SRGAP3: variants seen among roughly 807,000 people sequenced by gnomAD.
The protein encoded by SRGAP3 is SLIT-ROBO Rho GTPase-activating protein 3.
SRGAP3 carries 39 observed loss-of-function variants against 121.1 expected under a neutral mutation model. The ratio of observed to expected loss-of-function variants is 0.32; its 90% CI spans 0.25 to 0.42. The LOEUF (loss-of-function observed/expected upper bound fraction) is 0.42. Among genes scored for constraint, SRGAP3 ranks in the 10% least tolerant of loss-of-function variants. The probability of loss-of-function intolerance (pLI) is 1.00; values close to 1 mark genes in which losing one functional copy is unlikely to be tolerated. For missense variants in SRGAP3, 1,213 were observed against 1,470.6 expected, an observed-to-expected ratio of 0.82 and a Z score of 2.86; for synonymous variants, 601 against 570.0, an observed-to-expected ratio of 1.05 and a Z score of -0.77.
intron 3 of SRGAP3, among the ~76,000 whole-genome samples, chr3:9,288,130 G>GTTTTTTTTTTTT (rs57076828): frequency 3.4e-5 from 4 of 119,100 alleles, no homozygotes; most frequent in South Asian, 2.7e-4. Flanking sequence ...TTCTATCTTT[G>GTTTTTTTTTTTT]TTTTTTTTTT....
intron 18 of SRGAP3, among the ~76,000 whole-genome samples, chr3:9,003,497 A>AACAAACAT (rs1266283634): frequency 4.0e-5 from 6 of 151,876 alleles, no homozygotes; most frequent in South Asian, 2.1e-4. Flanking sequence ...CAAACAAACA[A>AACAAACAT]ACAAACAAAA....
chr3:9,171,832 TGCCTCGGTTCTGGGG>T, intron 1 of SRGAP3, among the ~76,000 whole-genome samples: 1 of 152,104 alleles, frequency 6.6e-6, no homozygotes, highest in African/African-American at 2.4e-5. Context: ...CGAAATGTAT[TGCCTCGGTTCTGGGG>T]GCCGGAAGAG....
Position 8,984,146 on chromosome 3 carries a change from C to T in SRGAP3, c.*1373G>A, listed in dbSNP as rs1376335482. ...GAAGATCATGCACCCATTTCTATCACCACATTTTCATCTACACTAAATGTT... is the reference window on the plus strand; with the variant it reads ...GAAGATCATGCACCCATTTCTATCATCACATTTTCATCTACACTAAATGTT... On this transcript the variant is annotated 3_prime_UTR_variant, in exon 22 of 22. Transcript: ENST00000383836. The T allele has an allele frequency of 8.7e-6, 2 of 231,126 alleles. No individual in the cohort carries two copies. The highest frequency in any genetic ancestry group is 2.2e-5 in the African/African-American group (1 of 45,190). The allele number at this position is 231,126 out of a possible 1,614,324, so 14.3% of individuals were successfully genotyped here.
intron 10 of SRGAP3, among the ~76,000 whole-genome samples, chr3:9,046,258 T>C (rs1945272061): frequency 6.6e-6 from 1 of 152,082 alleles, no homozygotes; most frequent in East Asian, 1.9e-4. Flanking sequence ...TAATCTGCAG[T>C]GACAGAAATC....
chr3:9,123,762 G>GTGTGTGTGTGTGTGTGTGTGTGTGTGTA (rs1182513386), intron 2 of SRGAP3, among the ~76,000 whole-genome samples: 3 of 149,028 alleles, frequency 2.0e-5, no homozygotes, highest in Admixed American at 2.0e-4. Flanking sequence ...GTGTATGTGT[G>GTGTGTGTGTGTGTGTGTGTGTGTGTGTA]TATATATGTA....
At chr3:9,282,515 G>C (rs1207607395) in intron 3 of SRGAP3, among the ~76,000 whole-genome samples, 1 of 152,126 alleles carries the variant, frequency 6.6e-6, no homozygotes, top group Non-Finnish European at 1.5e-5. Context: ...TTTTGGGACA[G>C]AGTCTTACTC....
intron 9 of SRGAP3, among the ~76,000 whole-genome samples, chr3:9,052,355 G>C (rs559621752): frequency 6.6e-6 from 1 of 152,262 alleles, no homozygotes; most frequent in South Asian, 2.1e-4. Flanking sequence ...AAACAAAAGG[G>C]CTGTCTGGGG....
At chr3:9,137,944 G>A (rs567502349) in intron 1 of SRGAP3, among the ~76,000 whole-genome samples, 2 of 152,336 alleles carry the variant, frequency 1.3e-5, no homozygotes, top group South Asian at 4.1e-4. Context: ...ATTTCAACAC[G>A]AGATTAATAT....
intron 1 of SRGAP3, among the ~76,000 whole-genome samples, chr3:9,219,916 T>G (rs760323833): frequency 6.6e-6 from 1 of 152,062 alleles, no homozygotes; most frequent in Non-Finnish European, 1.5e-5. Flanking sequence ...TTATGTTAAG[T>G]GAAATAAGCC....
chr3:9,134,269 G>C (rs1024964773), intron 1 of SRGAP3, among the ~76,000 whole-genome samples: 1 of 152,082 alleles, frequency 6.6e-6, no homozygotes, highest in Non-Finnish European at 1.5e-5. Context: ...TGAAAACACA[G>C]TAACTGTTCT....
intron 1 of SRGAP3, among the ~76,000 whole-genome samples, chr3:9,198,600 G>C (rs747784874): frequency 9.9e-5 from 15 of 152,132 alleles, no homozygotes; most frequent in Non-Finnish European, 1.9e-4. Context: ...CTCCAAATTA[G>C]GTATCCAGTC....
rs145591384 is a variant in SRGAP3 at position 9,052,399 on chromosome 3, G to A, written c.1323+628C>T. On this transcript the variant is annotated intron_variant, in intron 9 of 21. Transcript: ENST00000383836. ...AGATTTTAATCTTGGGAGCAATCAG[G>A]CAGAGTCAGGATGGCCCCTGGTCAG... Among the ~76,000 whole-genome samples the A allele has an allele frequency of 4.0e-4, 61 of 152,292 alleles. No homozygotes were observed. In the Middle Eastern group the frequency reaches 0.014, roughly 34 times the overall value.
intron 1 of SRGAP3, among the ~76,000 whole-genome samples, chr3:9,214,144 GCACA>G (rs1190871030): frequency 6.8e-6 from 1 of 147,252 alleles, no homozygotes; most frequent in Non-Finnish European, 1.5e-5. Flanking sequence ...ACACACACAT[GCACA>G]CACACACACA....
At chr3:9,028,204 G>A (rs1944307758) in intron 12 of SRGAP3, 2 of 1,592,948 alleles carry the variant, frequency 1.3e-6, no homozygotes, top group Non-Finnish European at 1.7e-6. Context: ...ATCAGTTAGA[G>A]TAAGCAGATC....
chr3:9,008,342 G>A (rs541731762), intron 18 of SRGAP3: 12 of 152,330 alleles, frequency 7.9e-5, no homozygotes, highest in African/African-American at 2.4e-4. Flanking sequence ...CCATCAGCCC[G>A]AGGAGCTGTG....
intron 4 of SRGAP3, among the ~76,000 whole-genome samples, chr3:9,072,692 G>T (rs149872219): frequency 6.6e-6 from 1 of 152,228 alleles, no homozygotes. Context: ...TCCCACAGAC[G>T]GGGGAAACCG....
chr3:9,015,775 G>C, intron 14 of SRGAP3, 44 bp from the exon 15 acceptor site: 1 of 1,612,580 alleles, frequency 6.2e-7, no homozygotes, highest in South Asian at 1.1e-5. Flanking sequence ...GCTTGGGAAG[G>C]AGTCAGAGAA....
intron 1 of SRGAP3, chr3:9,330,680 G>A (rs1277781081): frequency 6.6e-6 from 1 of 152,300 alleles, no homozygotes; most frequent in East Asian, 1.9e-4. Flanking sequence ...GCAGCCCCCA[G>A]AATCACAGCA....
upstream of SRGAP3, among the ~76,000 whole-genome samples, chr3:9,253,246 C>T (rs1046374931): frequency 3.3e-5 from 5 of 152,152 alleles, no homozygotes; most frequent in African/African-American, 4.8e-5. Context: ...AAACAGTGCA[C>T]GATTCTATCC....
Sources: gnomAD v4.1 joint callset for allele counts (sites outside exome capture counted in the v4.1 genomes callset) on GRCh38, gnomAD v4.1.1 for gene constraint, MANE v1.5 for transcripts, NCBI Gene and HGNC (gene_info 2026-07-23, HGNC 2026-07-21) for gene names.